TMEM196: variants seen among roughly 807,000 people sequenced by gnomAD.
TMEM196 encodes the protein transmembrane protein 196.
Under a neutral mutation model 20.0 loss-of-function variants are expected in TMEM196, and 17 were observed. That is an observed-to-expected ratio of 0.85 (90% CI 0.58 to 1.27). The LOEUF (loss-of-function observed/expected upper bound fraction) is 1.27. TMEM196 is among the 50% of genes most tolerant of loss of function. The pLI is 0.00. For synonymous variants in TMEM196, 113 were observed against 88.9 expected (o/e 1.27, Z -1.52); for missense variants, 267 against 223.0 (o/e 1.20, Z -1.26).
intron 1 of TMEM196, among the ~76,000 whole-genome samples, chr7:19,744,751 C>A (rs1188468976): frequency 1.3e-5 from 2 of 152,128 alleles, no homozygotes; most frequent in Non-Finnish European, 2.9e-5. Context: ...GGAATAAATT[C>A]TCAAATTTCA....
rs1464311724 is a variant in TMEM196, at chr7:19,724,361, A to T, written c.460-8T>A. ...TTCAATAGCCCTCAATCTCTAATGT[A>T]AATATAACAATCATACAATAAATAT... On this transcript the variant is annotated splice_polypyrimidine_tract_variant and splice_region_variant and intron_variant, in intron 3 of 4. Transcript: ENST00000405844. 2 of 1,549,860 alleles carry T rather than the reference A, an allele frequency of 1.3e-6. No homozygotes were observed.
At chr7:19,754,278 T>C (rs1317826128) in intron 1 of TMEM196, among the ~76,000 whole-genome samples, 1 of 152,228 alleles carries the variant, frequency 6.6e-6, no homozygotes, top group Non-Finnish European at 1.5e-5. Flanking sequence ...CTATCTATTA[T>C]TGTTTGCAGG....
At chr7:19,756,085 A>AT (rs200808404) in intron 1 of TMEM196, among the ~76,000 whole-genome samples, 2,273 of 140,164 alleles carry the variant, frequency 0.016, 58 homozygotes, top group African/African-American at 0.058. Context: ...ATTTCTTTTG[A>AT]TCAAAAAAAA....
chr7:19,757,773 T>C (rs1173702125), intron 1 of TMEM196, among the ~76,000 whole-genome samples: 1 of 152,130 alleles, frequency 6.6e-6, no homozygotes, highest in Non-Finnish European at 1.5e-5. Context: ...ATATTGCTTG[T>C]CTTTTATATG....
chr7:19,763,027 C>A (rs1400912396), intron 1 of TMEM196, among the ~76,000 whole-genome samples: 3 of 152,192 alleles, frequency 2.0e-5, no homozygotes, highest in South Asian at 4.1e-4. Context: ...CAATTACCAA[C>A]TTTTTCCTAG....
intron 1 of TMEM196, among the ~76,000 whole-genome samples, chr7:19,730,789 G>T (rs922667818): frequency 2.0e-5 from 3 of 152,120 alleles, no homozygotes; most frequent in African/African-American, 7.2e-5. Context: ...TTTCCTATAA[G>T]GGAGCAGAAT....
At chr7:19,728,401 G>T (rs962165678) in intron 2 of TMEM196, among the ~76,000 whole-genome samples, 1 of 151,974 alleles carries the variant, frequency 6.6e-6, no homozygotes, top group African/African-American at 2.4e-5. Context: ...TTTTTCTAAA[G>T]GTTTCATTTT....
chr7:19,763,670 T>G (rs1049949514), intron 1 of TMEM196, among the ~76,000 whole-genome samples: 11 of 152,130 alleles, frequency 7.2e-5, no homozygotes, highest in African/African-American at 2.7e-4. Flanking sequence ...TCTTCATAAA[T>G]GTATAAAAAT....
chr7:19,751,780 T>G (rs1325434914), intron 1 of TMEM196, among the ~76,000 whole-genome samples: 1 of 152,200 alleles, frequency 6.6e-6, no homozygotes, highest in Non-Finnish European at 1.5e-5. Context: ...TTTTCTTATT[T>G]ACAGGATCTT....
At chr7:19,771,491 C>T (rs1042888920) in intron 1 of TMEM196, among the ~76,000 whole-genome samples, 1 of 152,140 alleles carries the variant, frequency 6.6e-6, no homozygotes, top group African/African-American at 2.4e-5. Context: ...TTCTTGAACT[C>T]CGTAATAATC....
chr7:19,760,353 T>C (rs888554766), intron 1 of TMEM196, among the ~76,000 whole-genome samples: 19 of 70,348 alleles, frequency 2.7e-4, no homozygotes, highest in African/African-American at 1.9e-3. Flanking sequence ...TATATTTTCC[T>C]TTTTTTTTTT....
intron 1 of TMEM196, among the ~76,000 whole-genome samples, chr7:19,769,269 T>C (rs1198954021): frequency 1.3e-5 from 2 of 152,114 alleles, no homozygotes; most frequent in Non-Finnish European, 2.9e-5. Context: ...CTATCTAGCT[T>C]TCTTCTGCAT....
chr7:19,742,909 A>T (rs1784626715), intron 1 of TMEM196, among the ~76,000 whole-genome samples: 1 of 152,158 alleles, frequency 6.6e-6, no homozygotes, highest in African/African-American at 2.4e-5. Flanking sequence ...CCTAAAAGGT[A>T]TGGACTCTCA....
intron 1 of TMEM196, 48 bp from the exon 2 acceptor site, chr7:19,729,486 A>AC (rs1562607741): frequency 2.6e-6 from 4 of 1,522,972 alleles, no homozygotes; most frequent in Non-Finnish European, 3.5e-6. Flanking sequence ...AGACACGAGG[A>AC]CCCCTAGATT....
intron 1 of TMEM196, among the ~76,000 whole-genome samples, chr7:19,764,867 C>T (rs1239784089): frequency 1.3e-5 from 2 of 152,092 alleles, no homozygotes; most frequent in Non-Finnish European, 2.9e-5. Context: ...TTTAAGACAT[C>T]CTGCCTGGTC....
intron 1 of TMEM196, among the ~76,000 whole-genome samples, chr7:19,736,068 T>C (rs968876143): frequency 1.3e-5 from 2 of 151,996 alleles, no homozygotes; most frequent in Non-Finnish European, 2.9e-5. Context: ...GTATTTATCC[T>C]GTACCTGGAT....
chr7:19,722,076 T>C lies in TMEM196; in HGVS notation c.*52A>G, dbSNP rs750887329. ...GTGTTCAATTCTTTAAAACATTGAT[T>C]ACACTCTTCCATTAAATATCAGCTG... On this transcript the variant is annotated 3_prime_UTR_variant, in exon 5 of 5. Coordinates refer to ENST00000405844, the MANE Select transcript of TMEM196 (RefSeq NM_001363562.2). 1 of 1,609,580 alleles carries C rather than the reference T, an allele frequency of 6.2e-7. No homozygotes were observed. The highest frequency in any genetic ancestry group is 2.2e-5 in the East Asian group (1 of 44,578).
intron 1 of TMEM196, among the ~76,000 whole-genome samples, chr7:19,751,805 CTG>C (rs1039945205): frequency 3.3e-5 from 5 of 152,196 alleles, no homozygotes; most frequent in South Asian, 2.1e-4. Flanking sequence ...TGTACCAAAA[CTG>C]TGTGTATGTT....
At chr7:19,756,568 A>G (rs987973692) in intron 1 of TMEM196, among the ~76,000 whole-genome samples, 2 of 151,992 alleles carry the variant, frequency 1.3e-5, no homozygotes, top group African/African-American at 4.8e-5. Flanking sequence ...CCCGTCTATG[A>G]GTCCATATGT....
Sources: allele counts gnomAD v4.1 joint callset (sites outside exome capture counted in the v4.1 genomes callset), GRCh38; gene constraint gnomAD v4.1.1; transcripts MANE v1.5; gene names NCBI Gene and HGNC (gene_info 2026-07-23, HGNC 2026-07-21).